The following HSD17B12 variants were observed in gnomAD, a reference collection of about 807,000 sequenced individuals.
HSD17B12 encodes the protein very-long-chain 3-oxoacyl-CoA reductase.
HSD17B12 carries 32 observed loss-of-function variants against 39.3 expected under a neutral mutation model. That is an observed-to-expected ratio of 0.81 (90% CI 0.61 to 1.09). The LOEUF is 1.09. HSD17B12 is among the 50% of genes least tolerant of loss of function. HSD17B12 has a pLI of 0.00. For synonymous variants in HSD17B12, 150 were observed against 146.7 expected (o/e 1.02, Z -0.16); for missense variants, 342 against 382.9 (o/e 0.89, Z 0.89).
At chr11:43,736,229 T>C (rs1042824033) in intron 1 of HSD17B12, among the ~76,000 whole-genome samples, 1 of 152,166 alleles carries the variant, frequency 6.6e-6, no homozygotes. Context: ...CGCAGGGCCT[T>C]GCCTGGAAGT....
At chr11:43,595,176 A>ATCCT in the HSD17B12 span, among the ~76,000 whole-genome samples, 15 of 152,222 alleles carry the variant, frequency 9.9e-5, no homozygotes, top group Admixed American at 9.8e-4. Context: ...GGCTCCATGT[A>ATCCT]TCCTTCAGAT....
intron 1 of HSD17B12, among the ~76,000 whole-genome samples, chr11:43,731,773 C>T (rs756044225): frequency 6.6e-6 from 1 of 152,056 alleles, no homozygotes; most frequent in African/African-American, 2.4e-5. Context: ...TCAGTAAGCT[C>T]TAGGAGGCAT....
chr11:43,620,188 A>G, the HSD17B12 span, among the ~76,000 whole-genome samples: 602 of 152,294 alleles, frequency 4.0e-3, 1 homozygote, highest in Admixed American at 5.0e-3. Flanking sequence ...TTCTTTAAAC[A>G]CCACCATTTA....
the HSD17B12 span, among the ~76,000 whole-genome samples, chr11:43,594,180 T>C: frequency 3.3e-5 from 5 of 152,198 alleles, no homozygotes; most frequent in Non-Finnish European, 7.4e-5. Context: ...AATTACTCCA[T>C]AGTTACAAAA....
chr11:43,781,244 G>A (rs1176324991), intron 3 of HSD17B12, among the ~76,000 whole-genome samples: 1 of 152,048 alleles, frequency 6.6e-6, no homozygotes. Flanking sequence ...TTAACGCTAT[G>A]TTTTTGATGC....
the HSD17B12 span, among the ~76,000 whole-genome samples, chr11:43,623,351 C>T: frequency 6.6e-6 from 1 of 151,152 alleles, no homozygotes; most frequent in African/African-American, 2.4e-5. Flanking sequence ...AGCCATTAGC[C>T]ATTTGAAAGA....
rs553732900 is a variant in HSD17B12, at chr11:43,785,745, A to T, written c.284-12575A>T. ...TAGTTGCAATATGGAATCTGAAATT[A>T]TATCAATTTTTTACACTGAGTGACA... On this transcript the variant is annotated intron_variant, in intron 3 of 10. Coordinates refer to ENST00000278353, the MANE Select transcript of HSD17B12 (RefSeq NM_016142.3). 2.5e-4 allele frequency among the ~76,000 whole-genome samples: 38 copies of T among 152,346 alleles called. 1 individual carries two copies. The highest frequency in any genetic ancestry group is 4.7e-4 in the Non-Finnish European group (32 of 68,036).
At position 43,690,379 on chromosome 11, in the gene HSD17B12, TATATATATATATA is replaced by T. The variant is rs1949844908; in HGVS notation, c.160+9393_160+9405del. On this transcript the variant is annotated intron_variant, in intron 1 of 10. Transcript: ENST00000278353. ...ATTCATACATATATATATATATATATATATATATATATATATATATATATATTTTTTTTTTTTT... is the reference window on the plus strand; with the variant it reads ...ATTCATACATATATATATATATATATTATATATATATATTTTTTTTTTTTT... Among the ~76,000 whole-genome samples, 42 of 12,868 alleles carry T rather than the reference TATATATATATATA, an allele frequency of 3.3e-3. 1 individual carries two copies. Among genetic ancestry groups the T allele is most frequent in the South Asian group, 6.4e-3 (3 of 468 alleles). 8.4% of individuals were successfully genotyped at this position (12,868 alleles called of 152,430 possible). A position where few individuals can be genotyped will look rare whatever the true frequency, so the allele number is the denominator to read the frequency against.
intron 1 of HSD17B12, among the ~76,000 whole-genome samples, chr11:43,712,759 A>T (rs1042432320): frequency 1.3e-5 from 2 of 152,146 alleles, no homozygotes; most frequent in South Asian, 2.1e-4. Flanking sequence ...ACTGACTGAG[A>T]CCTCTCTCAG....
intron 6 of HSD17B12, among the ~76,000 whole-genome samples, chr11:43,826,153 G>C (rs974943321): frequency 2.1e-5 from 3 of 143,062 alleles, no homozygotes; most frequent in Non-Finnish European, 4.5e-5. Context: ...CGTGATCTCC[G>C]CTCACTGCAA....
intron 1 of HSD17B12, among the ~76,000 whole-genome samples, chr11:43,745,003 A>T (rs1950400787): frequency 6.6e-6 from 1 of 152,112 alleles, no homozygotes; most frequent in African/African-American, 2.4e-5. Context: ...ACTGGGAGAG[A>T]CTCAGTCCTG....
upstream of HSD17B12, among the ~76,000 whole-genome samples, chr11:43,680,096 G>C (rs1336253008): frequency 1.1e-4 from 16 of 150,840 alleles, no homozygotes; most frequent in Non-Finnish European, 2.2e-4. Context: ...TTTGTTTTGG[G>C]ATGGAGTCTC....
rs1157446820 is a variant in HSD17B12 at position 43,719,230 on chromosome 11, G to A, written c.161-31681G>A. 4.9e-6 allele frequency: 3 copies of A among 616,944 alleles called. No homozygotes were observed. In the East Asian group the frequency reaches 9.0e-5, roughly 19 times the overall value. The allele number at this position is 616,944 out of a possible 1,614,324, so 38.2% of individuals were successfully genotyped here. A position where few individuals can be genotyped will look rare whatever the true frequency, so the allele number is the denominator to read the frequency against. On this transcript the variant is annotated intron_variant, in intron 1 of 10. Transcript: ENST00000278353. ...CTGTCAATTTCTGGTTGGGCTGGGA[G>A]GCCATATACAGGCATTGACATTGTA...
At chr11:43,606,602 G>C in the HSD17B12 span, among the ~76,000 whole-genome samples, 1 of 152,206 alleles carries the variant, frequency 6.6e-6, no homozygotes, top group African/African-American at 2.4e-5. Context: ...CTTCAAATCT[G>C]ATGACTGCAT....
At chr11:43,680,425 A>T, upstream of HSD17B12, 1 of 228,792 alleles carries the variant, frequency 4.4e-6, no homozygotes, top group South Asian at 4.7e-5. Context: ...CTCTGATCCC[A>T]TTTCCTCTTC....
At chr11:43,681,658 T>C (rs1949746108) in intron 1 of HSD17B12, among the ~76,000 whole-genome samples, 2 of 146,704 alleles carry the variant, frequency 1.4e-5, no homozygotes, top group African/African-American at 5.0e-5. Flanking sequence ...TAACTCATCA[T>C]GTTAAAATCA....
chr11:43,750,913 G>T lies in HSD17B12; in HGVS notation c.163G>T (p.Val55Phe). 1.9e-6 allele frequency: 3 copies of T among 1,597,636 alleles called. No homozygotes were observed. The highest frequency in any genetic ancestry group is 2.6e-6 in the Non-Finnish European group (3 of 1,170,426). The change falls in exon 2 of 11, where the codon GTC becomes TTC. Residue 55 changes from valine (V) to phenylalanine (F), a missense_variant and splice_region_variant. Coordinates refer to ENST00000278353, the MANE Select transcript of HSD17B12 (RefSeq NM_016142.3). ...TATTGCTTTTTTCCCTTTCCCAGTT[G>T]TCACAGGTAGTACTGATGGAATTGG... ...VGPGLGEWAV[V>F]TGSTDGIGKS...
Position 43,793,955 on chromosome 11 carries a change from A to T in HSD17B12, c.284-4365A>T, listed in dbSNP as rs767632544. On this transcript the variant is annotated intron_variant, in intron 3 of 10. Transcript: ENST00000278353. ...AGTAGATAGAAAGGGAGTGAATAGT[A>T]TCAGTGTAGCTTAGCTTCATTCTCC... Among the ~76,000 whole-genome samples the T allele has an allele frequency of 5.9e-5, 9 of 152,238 alleles. 1 individual carries two copies. The highest frequency in any genetic ancestry group is 1.9e-4 in the African/African-American group (8 of 41,464).
intron 1 of HSD17B12, among the ~76,000 whole-genome samples, chr11:43,708,230 AG>A (rs1950033270): frequency 6.6e-6 from 1 of 152,232 alleles, no homozygotes; most frequent in Non-Finnish European, 1.5e-5. Context: ...CACAAATAAA[AG>A]CTTGGAAAGC....
Sources: gnomAD v4.1 joint callset for allele counts (sites outside exome capture counted in the v4.1 genomes callset) on GRCh38, gnomAD v4.1.1 for gene constraint, MANE v1.5 for transcripts, NCBI Gene and HGNC (gene_info 2026-07-23, HGNC 2026-07-21) for gene names.